GDA: variants seen among roughly 807,000 people sequenced by gnomAD.
The protein encoded by GDA is guanine deaminase.
GDA carries 18 observed loss-of-function variants against 59.6 expected under a neutral mutation model. The observed-to-expected ratio is 0.30, with a 90% confidence interval of 0.21 to 0.45. The LOEUF (loss-of-function observed/expected upper bound fraction) is 0.45. Ranked by LOEUF, GDA falls within the 20% of genes least tolerant of loss-of-function variation. GDA has a pLI of 1.00. For missense variants in GDA, 427 were observed against 552.3 expected, an observed-to-expected ratio of 0.77 and a Z score of 2.27; for synonymous variants, 201 against 201.1, an observed-to-expected ratio of 1.00 and a Z score of 0.00.
intron 6 of GDA, among the ~76,000 whole-genome samples, chr9:72,222,855 C>T (rs976728869): frequency 3.3e-5 from 5 of 151,824 alleles, no homozygotes; most frequent in African/African-American, 1.2e-4. Context: ...TACAGGCATG[C>T]GCCACCACGC....
At chr9:72,198,846 G>GATAGAT (rs1554669169) in intron 2 of GDA, among the ~76,000 whole-genome samples, 1 of 128,574 alleles carries the variant, frequency 7.8e-6, no homozygotes, top group African/African-American at 3.8e-5. Context: ...TATATAGGGG[G>GATAGAT]ATATATATAT....
chr9:72,241,100 T>G, intron 10 of GDA, 52 bp from the exon 11 acceptor site: 1 of 1,374,824 alleles, frequency 7.3e-7, no homozygotes, highest in Admixed American at 1.9e-5. Context: ...ATATGTATTA[T>G]TCCATTTATC....
intron 5 of GDA, among the ~76,000 whole-genome samples, chr9:72,219,127 G>T (rs1836512297): frequency 6.6e-6 from 1 of 151,992 alleles, no homozygotes; most frequent in African/African-American, 2.4e-5. Flanking sequence ...ATGGTCGGCC[G>T]GTCGCGGTGG....
At chr9:72,136,077 C>T (rs1482688471) in intron 1 of GDA, among the ~76,000 whole-genome samples, 1 of 152,040 alleles carries the variant, frequency 6.6e-6, no homozygotes, top group South Asian at 2.1e-4. Context: ...GAAAACTTTA[C>T]ATAAAGCCAT....
At chr9:72,207,701 T>C (rs190885551) in intron 3 of GDA, among the ~76,000 whole-genome samples, 6 of 152,354 alleles carry the variant, frequency 3.9e-5, no homozygotes, top group Non-Finnish European at 8.8e-5. Flanking sequence ...GGTGGCCAGA[T>C]CTTTTTGTTT....
In GDA at chr9:72,248,427, A is replaced by T; in HGVS notation, c.*85A>T. On this transcript the variant is annotated 3_prime_UTR_variant, in exon 14 of 14. Coordinates refer to ENST00000358399, the MANE Select transcript of GDA (RefSeq NM_004293.5). The stretch of plus-strand genomic sequence containing the variant: ...CCCAGGTGGAGTTAGAAAGTCAAAA[A>T]ATAGTACCTTGTTCTTGGGATGACT... 6.3e-7 allele frequency: 1 copy of T among 1,598,190 alleles called. No individual in the cohort carries two copies. The highest frequency in any genetic ancestry group is 1.8e-5 in the Admixed American group (1 of 56,754).
intron 1 of GDA, among the ~76,000 whole-genome samples, chr9:72,132,448 C>T (rs73482180): frequency 1.3e-3 from 194 of 152,248 alleles, no homozygotes; most frequent in African/African-American, 4.4e-3. Context: ...ATGCCTCATA[C>T]CAGTGACAAA....
chr9:72,182,393 C>T (rs10869142), intron 1 of GDA, among the ~76,000 whole-genome samples: 29,998 of 152,034 alleles, frequency 0.2, 3,561 homozygotes, highest in African/African-American at 0.34. Context: ...AAGAGTTTCT[C>T]CTTTTTTCAA....
rs143364725 is a variant in GDA, at chr9:72,137,242, C to CTTTTTTTTTTTTTTTT, written c.-100+22415_-100+22430dup. ...AAAATTAGGATCCTTTTCTTTTTTT[C>CTTTTTTTTTTTTTTTT]TTTTTTTTTTTTTTTTTTTTTGAGA... On this transcript the variant is annotated intron_variant, in intron 1 of 13. Transcript: ENST00000545168. 1.2e-3 allele frequency among the ~76,000 whole-genome samples: 105 copies of CTTTTTTTTTTTTTTTT among 84,504 alleles called. 2 individuals carry two copies. Among genetic ancestry groups the CTTTTTTTTTTTTTTTT allele is most frequent in the Non-Finnish European group, 1.6e-3 (78 of 47,914 alleles). 55.4% of individuals were successfully genotyped at this position (84,504 alleles called of 152,430 possible).
At chr9:72,200,083 C>T (rs1030178688) in intron 2 of GDA, among the ~76,000 whole-genome samples, 4 of 150,988 alleles carry the variant, frequency 2.6e-5, no homozygotes, top group Non-Finnish European at 5.9e-5. Context: ...CCTCAAGCTC[C>T]GCCTCCCGTG....
At chr9:72,172,966 A>G (rs1347079128) in intron 1 of GDA, among the ~76,000 whole-genome samples, 1 of 152,234 alleles carries the variant, frequency 6.6e-6, no homozygotes, top group Non-Finnish European at 1.5e-5. Flanking sequence ...TTTAGTGGGG[A>G]GACAAATACC....
intron 11 of GDA, among the ~76,000 whole-genome samples, chr9:72,244,311 C>T (rs1470330315): frequency 2.6e-5 from 4 of 152,166 alleles, no homozygotes; most frequent in Non-Finnish European, 5.9e-5. Flanking sequence ...GAGCCAATAC[C>T]TCTGTTGGCG....
At chr9:72,222,603 A>G (rs1206842320) in intron 6 of GDA, among the ~76,000 whole-genome samples, 2 of 151,928 alleles carry the variant, frequency 1.3e-5, no homozygotes, top group Non-Finnish European at 2.9e-5. Context: ...TTTTGTTGCA[A>G]TTGCTTCTGG....
At chr9:72,129,898 C>T (rs1204222153) in intron 1 of GDA, among the ~76,000 whole-genome samples, 4 of 152,152 alleles carry the variant, frequency 2.6e-5, no homozygotes, top group Non-Finnish European at 5.9e-5. Context: ...CAGACCCGGG[C>T]CAGGACACTC....
intron 13 of GDA, 84 bp downstream of exon 13, chr9:72,247,517 C>T (rs1840278114): frequency 2.7e-6 from 2 of 752,408 alleles, no homozygotes; most frequent in South Asian, 3.2e-5. Context: ...TGTATTTATC[C>T]TACCATATAT....
intron 5 of GDA, chr9:72,214,946 C>G (rs1835917174): frequency 5.4e-6 from 1 of 186,300 alleles, no homozygotes; most frequent in East Asian, 1.8e-4. Flanking sequence ...GTTGGCCAGG[C>G]TGGTCTTGAA....
At chr9:72,201,772 C>T (rs547839485) in intron 2 of GDA, among the ~76,000 whole-genome samples, 10 of 152,108 alleles carry the variant, frequency 6.6e-5, no homozygotes, top group Non-Finnish European at 1.0e-4. Context: ...TGTCTGTTAG[C>T]ACCATACTGC....
At chr9:72,231,399 T>C (rs944886028) in intron 10 of GDA, among the ~76,000 whole-genome samples, 1 of 151,838 alleles carries the variant, frequency 6.6e-6, no homozygotes, top group Non-Finnish European at 1.5e-5. Flanking sequence ...ACCTCGTCTC[T>C]ACTAAAATAC....
At chr9:72,146,979 A>G (rs916094740), upstream of GDA, among the ~76,000 whole-genome samples, 9 of 152,236 alleles carry the variant, frequency 5.9e-5, no homozygotes, top group South Asian at 1.9e-3. Context: ...TTCATGGCCA[A>G]TCCTTCTGCT....
Sources: allele counts gnomAD v4.1 joint callset (sites outside exome capture counted in the v4.1 genomes callset), GRCh38; gene constraint gnomAD v4.1.1; transcripts MANE v1.5; gene names NCBI Gene and HGNC (gene_info 2026-07-23, HGNC 2026-07-21).